The following VRK2 variants were observed in gnomAD, a reference collection of about 807,000 sequenced individuals.
VRK2 encodes VRK serine/threonine kinase 2.
VRK2 carries 60 observed loss-of-function variants against 57.6 expected under a neutral mutation model. That is an observed-to-expected ratio of 1.04 (90% CI 0.85 to 1.29). VRK2 has a LOEUF of 1.29. Ranked by LOEUF, VRK2 falls within the 50% of genes most tolerant of loss-of-function variation. The probability of loss-of-function intolerance (pLI) is 0.00; values close to 1 mark genes in which losing one functional copy is unlikely to be tolerated. For missense variants in VRK2, 705 were observed against 588.1 expected (o/e 1.20, Z -2.06); for synonymous variants, 231 against 199.2 (o/e 1.16, Z -1.35).
chr2:58,105,941 T>C (rs1239474169), intron 7 of VRK2, among the ~76,000 whole-genome samples: 3 of 151,994 alleles, frequency 2.0e-5, no homozygotes, highest in Non-Finnish European at 4.4e-5. Flanking sequence ...AGTCAAATTA[T>C]ATCAGCTAAC....
intron 2 of VRK2, among the ~76,000 whole-genome samples, chr2:58,058,997 A>G (rs1350405766): frequency 6.6e-6 from 1 of 152,098 alleles, no homozygotes; most frequent in African/African-American, 2.4e-5. Context: ...CAAAATATGT[A>G]ACTGATAGTA....
chr2:58,085,917 C>A (rs1167759740), intron 4 of VRK2, among the ~76,000 whole-genome samples: 1 of 136,606 alleles, frequency 7.3e-6, no homozygotes, highest in African/African-American at 2.8e-5. Flanking sequence ...TGCCCAATTT[C>A]TGCTTTTTTT....
chr2:58,041,630 T>C (rs1400756334), intron 3 of VRK2, among the ~76,000 whole-genome samples: 1 of 152,218 alleles, frequency 6.6e-6, no homozygotes, highest in Admixed American at 6.5e-5. Context: ...AACATTCTCT[T>C]GTGGAAAAAA....
At chr2:58,008,251 C>T (rs1518400) in intron 1 of VRK2, among the ~76,000 whole-genome samples, 57,785 of 151,652 alleles carry the variant, frequency 0.38, 15,464 homozygotes, top group African/African-American at 0.77. Context: ...TAGTACATGA[C>T]GCAAAGATGA....
intron 12 of VRK2, among the ~76,000 whole-genome samples, chr2:58,153,275 G>A (rs1216599304): frequency 6.6e-6 from 1 of 151,950 alleles, no homozygotes; most frequent in African/African-American, 2.4e-5. Flanking sequence ...CTGAAGTATG[G>A]ATATACCATT....
In VRK2 at chr2:58,123,121, A is replaced by G; in HGVS notation, c.564A>G (p.Gly188=). Residue 188 remains glycine, a synonymous_variant, in exon 8 of 13, where the codon GGA becomes GGG. Coordinates refer to ENST00000340157, the MANE Select transcript of VRK2 (RefSeq NM_006296.7). ...NPDQVYLADY[G]LSYRYCPNGN... is the part of the protein sequence containing the mutation. ...TCCAGGTTTATCTTGCAGATTATGG[A>G]CTTTCCTACAGATATTGTCCCAATG... is the stretch of plus-strand genomic sequence containing the variant. 6.2e-7 allele frequency: 1 copy of G among 1,600,464 alleles called. No homozygotes were observed. Among genetic ancestry groups the G allele is most frequent in the Non-Finnish European group, 8.5e-7 (1 of 1,176,054 alleles).
chr2:58,093,813 C>A (rs985702755), intron 7 of VRK2, among the ~76,000 whole-genome samples: 1 of 152,160 alleles, frequency 6.6e-6, no homozygotes, highest in Non-Finnish European at 1.5e-5. Context: ...ACATTTAAGT[C>A]TTTAATCCAT....
chr2:58,070,727 G>A (rs1221322387), intron 2 of VRK2, among the ~76,000 whole-genome samples: 3 of 152,114 alleles, frequency 2.0e-5, no homozygotes, highest in East Asian at 1.9e-4. Context: ...ATGTCTGGGG[G>A]TGGATTCCAG....
chr2:58,067,906 C>T (rs1668833372), intron 2 of VRK2, among the ~76,000 whole-genome samples: 1 of 150,312 alleles, frequency 6.7e-6, no homozygotes, highest in South Asian at 2.1e-4. Flanking sequence ...CTTTTCTTTT[C>T]TTTTCTTTTC....
intron 2 of VRK2, among the ~76,000 whole-genome samples, chr2:58,052,124 C>G (rs1335836421): frequency 1.3e-5 from 2 of 152,154 alleles, no homozygotes; most frequent in Non-Finnish European, 2.9e-5. Flanking sequence ...TTAGGCATAT[C>G]TGACCTGAAT....
At chr2:58,090,930 A>G (rs983784907) in intron 7 of VRK2, among the ~76,000 whole-genome samples, 2 of 152,248 alleles carry the variant, frequency 1.3e-5, no homozygotes, top group Non-Finnish European at 2.9e-5. Flanking sequence ...AATGTATTTT[A>G]CTATGTAAAA....
intron 2 of VRK2, among the ~76,000 whole-genome samples, chr2:58,056,058 G>A (rs1164518250): frequency 6.6e-6 from 1 of 151,880 alleles, no homozygotes; most frequent in Non-Finnish European, 1.5e-5. Flanking sequence ...ATTTCCTTCT[G>A]ATTGTCTCAC....
chr2:57,917,179 C>A (rs555417971), intron 1 of VRK2, among the ~76,000 whole-genome samples: 1 of 152,086 alleles, frequency 6.6e-6, no homozygotes, highest in Non-Finnish European at 1.5e-5. Context: ...AGAATACCAA[C>A]AACCTGGGAG....
intron 8 of VRK2, among the ~76,000 whole-genome samples, chr2:58,125,230 T>G (rs1031004862): frequency 3.9e-5 from 6 of 152,106 alleles, no homozygotes; most frequent in Non-Finnish European, 7.4e-5. Flanking sequence ...TCACTGTGAT[T>G]GTGGAAAGAG....
chr2:57,998,060 A>G (rs961241850), intron 1 of VRK2, among the ~76,000 whole-genome samples: 2 of 152,242 alleles, frequency 1.3e-5, no homozygotes, highest in Admixed American at 6.5e-5. Flanking sequence ...CATACTGGCT[A>G]CATATCACCT....
intron 1 of VRK2, among the ~76,000 whole-genome samples, chr2:58,000,393 G>A (rs1055915113): frequency 6.6e-6 from 1 of 152,026 alleles, no homozygotes; most frequent in African/African-American, 2.4e-5. Flanking sequence ...TTTACATTAA[G>A]GAAAATCAGG....
chr2:58,027,431 T>C (rs1234822840), intron 2 of VRK2, among the ~76,000 whole-genome samples: 1 of 152,114 alleles, frequency 6.6e-6, no homozygotes, highest in Non-Finnish European at 1.5e-5. Flanking sequence ...CTAAATTGAA[T>C]GAATATATAC....
chr2:58,137,699 G>A (rs1158250349), intron 10 of VRK2, among the ~76,000 whole-genome samples: 1 of 151,982 alleles, frequency 6.6e-6, no homozygotes. Flanking sequence ...GTCCAACTAA[G>A]CATAATAATA....
intron 1 of VRK2, among the ~76,000 whole-genome samples, chr2:57,975,760 T>C (rs893009868): frequency 2.7e-5 from 4 of 147,978 alleles, no homozygotes; most frequent in South Asian, 2.1e-4. Flanking sequence ...CTCTCTCTCT[T>C]TTTTTTTTTT....
Sources: gnomAD v4.1 joint callset for allele counts (sites outside exome capture counted in the v4.1 genomes callset) on GRCh38, gnomAD v4.1.1 for gene constraint, MANE v1.5 for transcripts, NCBI Gene and HGNC (gene_info 2026-07-23, HGNC 2026-07-21) for gene names.